Variants in WDR59 observed in about 807,000 individuals in gnomAD.
WDR59 encodes the protein GATOR2 complex protein WDR59.
Under a neutral mutation model 131.2 loss-of-function variants are expected in WDR59, and 100 were observed. The observed-to-expected ratio is 0.76, with a 90% confidence interval of 0.65 to 0.90. The LOEUF is 0.90. WDR59 is among the 40% of genes least tolerant of loss of function. The pLI, the probability that WDR59 is intolerant of heterozygous loss-of-function variation, is 0.00. For missense variants in WDR59, 1,203 were observed against 1,262.2 expected (o/e 0.95, Z 0.71); for synonymous variants, 601 against 466.2 (o/e 1.29, Z -3.72).
intron 10 of WDR59, among the ~76,000 whole-genome samples, chr16:74,920,552 T>C (rs2030110254): frequency 6.6e-6 from 1 of 152,136 alleles, no homozygotes; most frequent in African/African-American, 2.4e-5. Flanking sequence ...AGGCATGCAC[T>C]GCCACACCTG....
intron 1 of WDR59, among the ~76,000 whole-genome samples, chr16:74,973,762 G>A (rs1457840846): frequency 2.6e-5 from 4 of 152,256 alleles, no homozygotes; most frequent in African/African-American, 4.8e-5. Flanking sequence ...TCGGCCAGGC[G>A]CAGTGGCTCA....
At chr16:74,913,877 G>A (rs1023425989) in intron 13 of WDR59, among the ~76,000 whole-genome samples, 7 of 152,152 alleles carry the variant, frequency 4.6e-5, no homozygotes, top group Non-Finnish European at 1.0e-4. Flanking sequence ...ACAACTTTGT[G>A]AATATACCCA....
chr16:74,938,688 CACT>C (rs1170077849), intron 7 of WDR59, among the ~76,000 whole-genome samples: 1 of 152,126 alleles, frequency 6.6e-6, no homozygotes, highest in African/African-American at 2.4e-5. Context: ...AGGTGCACAC[CACT>C]AAGCCTGGCT....
At chr16:74,963,070 AC>A (rs1346969239) in intron 2 of WDR59, 1 of 152,196 alleles carries the variant, frequency 6.6e-6, no homozygotes, top group Non-Finnish European at 1.5e-5. Flanking sequence ...AGCCTGGGCA[AC>A]ATGGTGAAAC....
At position 74,942,669 on chromosome 16, in the gene WDR59, C is replaced by T. The variant is rs974705842; in HGVS notation, c.534+69G>A. On this transcript the variant is annotated intron_variant, in intron 7 of 25. Transcript: ENST00000262144. ...GACTCTCAAGCCAAGTCCTGGCACT[C>T]ATAAAATCATCTTCACACCCTCTGG... is the stretch of plus-strand genomic sequence containing the variant. The T allele has an allele frequency of 4.0e-6, 6 of 1,507,450 alleles. No homozygotes were observed. In the African/African-American group the frequency reaches 8.3e-5, roughly 21 times the overall value. The allele number at this position is 1,507,450 out of a possible 1,614,324, so 93.4% of individuals were successfully genotyped here.
At chr16:74,929,832 GGAGTACTATT>G (rs2031218708) in intron 8 of WDR59, among the ~76,000 whole-genome samples, 1 of 152,130 alleles carries the variant, frequency 6.6e-6, no homozygotes, top group South Asian at 2.1e-4. Flanking sequence ...TATACACAAT[GGAGTACTATT>G]CATCCATGAA....
chr16:74,909,183 C>T (rs1162302926), intron 16 of WDR59, among the ~76,000 whole-genome samples: 1 of 152,110 alleles, frequency 6.6e-6, no homozygotes, highest in African/African-American at 2.4e-5. Context: ...TGTATGTGGA[C>T]TGGGCAGAGT....
rs904430743 is a variant in WDR59 at position 74,985,113 on chromosome 16, A to G, written c.-96T>C. Reference sequence around the variant, plus strand: ...GTGCGCCCCACACAGCCAGAGAATCAGCCCCGACACGCCCCGTGCCCTGGT... The same window carrying G: ...GTGCGCCCCACACAGCCAGAGAATCGGCCCCGACACGCCCCGTGCCCTGGT... On this transcript the variant is annotated 5_prime_UTR_variant, in exon 1 of 26. Coordinates refer to ENST00000262144, the MANE Select transcript of WDR59 (RefSeq NM_030581.4). 19 of 1,250,848 alleles carry G rather than the reference A, an allele frequency of 1.5e-5. No homozygotes were observed. Among genetic ancestry groups the G allele is most frequent in the Admixed American group, 4.0e-5 (2 of 50,192 alleles). The allele number at this position is 1,250,848 out of a possible 1,614,324, so 77.5% of individuals were successfully genotyped here. A position where few individuals can be genotyped will look rare whatever the true frequency, so the allele number is the denominator to read the frequency against.
At chr16:74,888,532 C>T (rs1261373458) in intron 21 of WDR59, among the ~76,000 whole-genome samples, 4 of 152,204 alleles carry the variant, frequency 2.6e-5, no homozygotes, top group African/African-American at 4.8e-5. Flanking sequence ...AAGGCATCCA[C>T]GTACTACAAA....
intron 17 of WDR59, 37 bp from the exon 18 acceptor site, chr16:74,904,137 A>G (rs1325726795): frequency 1.8e-5 from 28 of 1,593,210 alleles, no homozygotes; most frequent in Non-Finnish European, 2.2e-5. Context: ...CACTGGCTGC[A>G]GTCCTGTCAT....
intron 17 of WDR59, 30 bp from the exon 18 acceptor site, chr16:74,904,130 T>G: frequency 6.3e-7 from 1 of 1,599,090 alleles, no homozygotes; most frequent in Non-Finnish European, 8.5e-7. Flanking sequence ...TTATCCACAC[T>G]GGCTGCAGTC....
At chr16:74,952,863 G>C (rs2033082120) in intron 3 of WDR59, among the ~76,000 whole-genome samples, 1 of 151,946 alleles carries the variant, frequency 6.6e-6, no homozygotes, top group Non-Finnish European at 1.5e-5. Flanking sequence ...TGAAATACCA[G>C]TTTCCAAATT....
intron 20 of WDR59, among the ~76,000 whole-genome samples, chr16:74,890,016 A>C (rs556098503): frequency 3.4e-4 from 52 of 152,350 alleles, no homozygotes; most frequent in Middle Eastern, 6.8e-3. Flanking sequence ...CCAACTCTTT[A>C]GGGGAGTTAT....
At chr16:74,880,948 G>T (rs72796694) in intron 25 of WDR59, among the ~76,000 whole-genome samples, 12,163 of 151,568 alleles carry the variant, frequency 0.08, 528 homozygotes, top group African/African-American at 0.1. Context: ...GACGTTAAAT[G>T]AATATACTGA....
intron 13 of WDR59, 141 bp downstream of exon 13, chr16:74,915,729 A>C (rs920642572): frequency 3.0e-6 from 4 of 1,314,052 alleles, no homozygotes; most frequent in Non-Finnish European, 4.2e-6. Context: ...TGGCCAGAAA[A>C]CCCAGGAAAT....
At chr16:74,966,827 T>C (rs954717839) in intron 1 of WDR59, among the ~76,000 whole-genome samples, 3 of 152,222 alleles carry the variant, frequency 2.0e-5, no homozygotes, top group African/African-American at 7.2e-5. Context: ...GGGAGCACTA[T>C]CACATCGTTT....
rs760844416 is a variant in WDR59 at position 74,985,053 on chromosome 16, C to G, written c.-36G>C. The G allele has an allele frequency of 3.2e-6, 5 of 1,542,550 alleles. No homozygotes were observed. In the South Asian group the frequency reaches 4.7e-5, roughly 15 times the overall value. On this transcript the variant is annotated 5_prime_UTR_variant, in exon 1 of 26. Transcript: ENST00000262144. Reference sequence around the variant, plus strand: ...CGGCCGCCGCGGCCCCAGGACGGCGCCCTCCCACCCCGCCGTCCCCAGTAT... The same window carrying G: ...CGGCCGCCGCGGCCCCAGGACGGCGGCCTCCCACCCCGCCGTCCCCAGTAT...
intron 2 of WDR59, among the ~76,000 whole-genome samples, 160 bp from the exon 3 acceptor site, chr16:74,956,770 G>A (rs1191292462): frequency 6.6e-6 from 1 of 152,194 alleles, no homozygotes; most frequent in African/African-American, 2.4e-5. Context: ...GAAGTGACAA[G>A]TGTAATTCAA....
chr16:74,908,915 T>C lies in WDR59; in HGVS notation c.1705A>G (p.Thr569Ala). The C allele has an allele frequency of 1.2e-6, 2 of 1,613,678 alleles. No individual in the cohort carries two copies. The highest frequency in any genetic ancestry group is 1.7e-6 in the Non-Finnish European group (2 of 1,179,842). The change falls in exon 17 of 26, where the codon ACT becomes GCT. Residue 569 changes from threonine to alanine, a missense_variant. Thr to Ala is a moderately conservative substitution (Grantham distance 58). Coordinates refer to ENST00000262144, the MANE Select transcript of WDR59 (RefSeq NM_030581.4). ...MHRAVSPTEP[T>A]PRSLSALSAY... is the part of the protein sequence containing the mutation. ...TGCATCTCCCTGACTCACCTCGGAG[T>C]AGGCTCTGTGGGAGACACCGCCCGA...
Sources: gnomAD v4.1 joint callset for allele counts (sites outside exome capture counted in the v4.1 genomes callset) on GRCh38, gnomAD v4.1.1 for gene constraint, MANE v1.5 for transcripts, NCBI Gene and HGNC (gene_info 2026-07-23, HGNC 2026-07-21) for gene names.